The following KDM4B variants were observed in gnomAD, a reference collection of about 807,000 sequenced individuals.
The protein encoded by KDM4B is lysine-specific demethylase 4B.
KDM4B carries 32 observed loss-of-function variants against 125.2 expected under a neutral mutation model. The observed-to-expected ratio is 0.26, with a 90% confidence interval of 0.19 to 0.34. KDM4B has a LOEUF of 0.34. KDM4B is among the 10% of genes least tolerant of loss of function. The pLI is 1.00. For synonymous variants in KDM4B, 721 were observed against 677.9 expected, an observed-to-expected ratio of 1.06 and a Z score of -0.99; for missense variants, 1,190 against 1,577.7, an observed-to-expected ratio of 0.75 and a Z score of 4.16.
At chr19:5,008,591 CTTTTTT>C (rs550611814) in intron 1 of KDM4B, among the ~76,000 whole-genome samples, 4 of 135,548 alleles carry the variant, frequency 3.0e-5, no homozygotes, top group African/African-American at 8.1e-5. Flanking sequence ...TTTTCTTTTT[CTTTTTT>C]TTTTTTTTTT....
At chr19:5,120,898 C>T (rs1396783305) in intron 11 of KDM4B, among the ~76,000 whole-genome samples, 5 of 152,192 alleles carry the variant, frequency 3.3e-5, no homozygotes, top group South Asian at 2.1e-4. Context: ...CCACATTCGC[C>T]GGAGGGTCCT....
chr19:5,047,236 T>G, intron 5 of KDM4B: 1 of 477,916 alleles, frequency 2.1e-6, no homozygotes, highest in South Asian at 3.2e-5. Context: ...CCTGGGAGGT[T>G]GAGGCTGCAG....
chr19:5,112,875 C>T (rs893044661), intron 10 of KDM4B: 19 of 152,722 alleles, frequency 1.2e-4, no homozygotes, highest in Admixed American at 9.1e-4. Context: ...GCGGCCCCCG[C>T]AGCACAGAGC....
chr19:5,078,610 T>C lies in KDM4B; in HGVS notation c.780+1140T>C, dbSNP rs1011420774. On this transcript the variant is annotated intron_variant, in intron 8 of 22. Coordinates refer to ENST00000159111, the MANE Select transcript of KDM4B (RefSeq NM_015015.3). The surrounding 1 kb of genome is among the most constrained non-coding windows in gnomAD (Gnocchi z 4.5). ...GCTCAGGGAAGTGAGAAGTACTGAT[T>C]TTCTGGCTGGTTTGTCTAAAACCTT... 4 of 152,044 alleles carry C rather than the reference T, an allele frequency of 2.6e-5. No homozygotes were observed. The South Asian group carries it at 8.3e-4, about 32-fold the overall frequency. 9.4% of individuals were successfully genotyped at this position (152,044 alleles called of 1,614,324 possible). A position where few individuals can be genotyped will look rare whatever the true frequency, so the allele number is the denominator to read the frequency against.
At chr19:5,020,607 C>T (rs561176554) in intron 2 of KDM4B, among the ~76,000 whole-genome samples, 1 of 152,318 alleles carries the variant, frequency 6.6e-6, no homozygotes, top group Admixed American at 6.5e-5. Context: ...GGAAGCCAGG[C>T]CGCGGGCGCT....
At chr19:5,054,825 C>T (rs1163907549) in intron 6 of KDM4B, among the ~76,000 whole-genome samples, 2 of 152,336 alleles carry the variant, frequency 1.3e-5, no homozygotes, top group South Asian at 2.1e-4. Flanking sequence ...TGGCCTGGTC[C>T]CCTCCCCAGC....
chr19:5,096,612 G>A (rs1599177026), intron 9 of KDM4B, among the ~76,000 whole-genome samples: 1 of 150,450 alleles, frequency 6.6e-6, no homozygotes, highest in African/African-American at 2.5e-5. Context: ...TTGCCGCGGT[G>A]CCCCCGGCGG....
Position 5,151,378 on chromosome 19 carries a change from A to G in KDM4B, c.3158A>G (p.Glu1053Gly). 3 of 1,586,748 alleles carry G rather than the reference A, an allele frequency of 1.9e-6. No homozygotes were observed. Among genetic ancestry groups the G allele is most frequent in the Admixed American group, 1.8e-5 (1 of 57,004 alleles). The change falls in exon 23 of 23, where the codon GAG (glutamate) becomes GGG (glycine). Residue 1053 changes from glutamate (E) to glycine (G), a missense_variant. Glu to Gly is a moderately conservative substitution (Grantham distance 98, BLOSUM62 -2). This residue lies in a region of KDM4B where 109 missense variants were observed against 93.8 expected (regional missense o/e 1.16). Transcript: ENST00000159111. Reference sequence around the variant, plus strand: ...CCGCAGGAGCCCGCCTTCTCGGGGGAGGAGGCCAAGGCCGCCAAGCGCCCG... The same window carrying G: ...CCGCAGGAGCCCGCCTTCTCGGGGGGGGAGGCCAAGGCCGCCAAGCGCCCG... The part of the protein sequence containing the change: ...GAPQEPAFSG[E>G]EAKAAKRPRV...
At chr19:5,095,768 C>T (rs746336160) in intron 9 of KDM4B, among the ~76,000 whole-genome samples, 7 of 151,986 alleles carry the variant, frequency 4.6e-5, no homozygotes, top group Non-Finnish European at 8.8e-5. Context: ...GGAGAGGGCC[C>T]GGAGCAGCCA....
intron 21 of KDM4B, among the ~76,000 whole-genome samples, chr19:5,147,782 C>T (rs1385159551): frequency 5.3e-5 from 8 of 150,964 alleles, no homozygotes; most frequent in Non-Finnish European, 8.8e-5. Context: ...CCAGAGTGCT[C>T]GGGGCGGGGG....
chr19:5,119,963 G>C, intron 11 of KDM4B, 111 bp downstream of exon 11: 4 of 1,325,846 alleles, frequency 3.0e-6, no homozygotes, highest in South Asian at 1.4e-5. Flanking sequence ...GTAAGAATCT[G>C]ATTCAGTGGC....
At chr19:5,010,481 C>A (rs2035693487) in intron 1 of KDM4B, among the ~76,000 whole-genome samples, 1 of 152,192 alleles carries the variant, frequency 6.6e-6, no homozygotes, top group African/African-American at 2.4e-5. Context: ...GTTCCTTCAA[C>A]TTTTGCTCAC....
intron 3 of KDM4B, among the ~76,000 whole-genome samples, chr19:5,034,887 T>C (rs1447681010): frequency 6.6e-6 from 1 of 152,200 alleles, no homozygotes; most frequent in Non-Finnish European, 1.5e-5. Flanking sequence ...GGTGCAGTGC[T>C]GCGATCACGG....
intron 6 of KDM4B, among the ~76,000 whole-genome samples, chr19:5,069,833 C>A (rs1213838864): frequency 2.0e-5 from 3 of 152,008 alleles, no homozygotes; most frequent in African/African-American, 7.3e-5. Flanking sequence ...TCTTGAACTC[C>A]TGACCTCAGG....
At chr19:5,024,705 C>T (rs2036225633) in intron 2 of KDM4B, among the ~76,000 whole-genome samples, 1 of 151,850 alleles carries the variant, frequency 6.6e-6, no homozygotes, top group African/African-American at 2.4e-5. Context: ...AATTCCAGCA[C>T]TTTGGGAGGC....
chr19:5,132,583 G>T (rs531417181), intron 13 of KDM4B, among the ~76,000 whole-genome samples: 2 of 152,120 alleles, frequency 1.3e-5, no homozygotes, highest in Non-Finnish European at 2.9e-5. Context: ...ATCACAGGGC[G>T]GGAGCTCCCA....
At chr19:5,041,765 A>G (rs2036826098) in intron 5 of KDM4B, among the ~76,000 whole-genome samples, 1 of 152,370 alleles carries the variant, frequency 6.6e-6, no homozygotes, top group South Asian at 2.1e-4. Flanking sequence ...GCATCCCCAG[A>G]GTCCCAGCCT....
At chr19:4,975,614 A>G (rs2034418132) in intron 1 of KDM4B, among the ~76,000 whole-genome samples, 1 of 142,380 alleles carries the variant, frequency 7.0e-6, no homozygotes, top group Non-Finnish European at 1.5e-5. Context: ...TTTTTTTGAG[A>G]CAGAGTTTTG....
At position 5,119,649 on chromosome 19, in the gene KDM4B, C is replaced by G; in HGVS notation, c.1116-4C>G. 1.3e-6 allele frequency: 2 copies of G among 1,553,998 alleles called. No homozygotes were observed. The highest frequency in any genetic ancestry group is 1.7e-6 in the Non-Finnish European group (2 of 1,148,400). ...CCTCCTGCCTGATAAACCTCCCTCT[C>G]CAGGTCTCACCGGAAACGGAGCCAG... On this transcript the variant is annotated splice_region_variant and splice_polypyrimidine_tract_variant and intron_variant, in intron 10 of 22. Transcript: ENST00000159111.
Sources: allele counts gnomAD v4.1 joint callset (sites outside exome capture counted in the v4.1 genomes callset), GRCh38; gene constraint gnomAD v4.1.1; regional missense constraint gnomAD v4.1.1; non-coding constraint Gnocchi (gnomAD v3.1); transcripts MANE v1.5; gene names NCBI Gene and HGNC (gene_info 2026-07-23, HGNC 2026-07-21).